Variants in NR2F1 observed in about 807,000 individuals in gnomAD.
NR2F1 encodes nuclear receptor subfamily 2 group F member 1, also known as COUP transcription factor 1.
NR2F1 carries 1 observed loss-of-function variant against 37.7 expected under a neutral mutation model. That is an observed-to-expected ratio of 0.03 (90% CI 0.01 to 0.13). The LOEUF is 0.13. Ranked by LOEUF, NR2F1 falls within the 10% of genes least tolerant of loss-of-function variation. The pLI is 1.00. For synonymous variants in NR2F1, 275 were observed against 259.6 expected, an observed-to-expected ratio of 1.06 and a Z score of -0.57; for missense variants, 268 against 578.4, an observed-to-expected ratio of 0.46 and a Z score of 5.50.
chr5:93,587,691 G>A, intron 1 of NR2F1: 1 of 539,494 alleles, frequency 1.9e-6, no homozygotes, highest in Non-Finnish European at 3.2e-6. Flanking sequence ...CGGGGCTGAC[G>A]TGGCCAGGGG....
intron 1 of NR2F1, 134 bp from the exon 2 acceptor site, chr5:93,587,783 G>C: frequency 3.3e-6 from 3 of 909,934 alleles, no homozygotes; most frequent in Non-Finnish European, 4.9e-6. Flanking sequence ...CTGTGAGAGC[G>C]AGCCGGAGAA....
In NR2F1 at chr5:93,594,441, T is replaced by A. The variant is rs1418909113; in HGVS notation, c.*599T>A. On this transcript the variant is annotated 3_prime_UTR_variant, in exon 3 of 3. Transcript: ENST00000327111. ...TGTCCTGTGTCTATGTATCTATATC[T>A]GTTTTGTATTTTTTTCTGGTTCCAA... 6.6e-6 allele frequency: 1 copy of A among 152,272 alleles called. No individual in the cohort carries two copies. Among genetic ancestry groups the A allele is most frequent in the East Asian group, 1.9e-4 (1 of 5,204 alleles). 9.4% of individuals were successfully genotyped at this position (152,272 alleles called of 1,614,324 possible). A position where few individuals can be genotyped will look rare whatever the true frequency, so the allele number is the denominator to read the frequency against.
intron 2 of NR2F1, among the ~76,000 whole-genome samples, chr5:93,588,688 G>A (rs1753276841): frequency 1.3e-5 from 2 of 151,390 alleles, no homozygotes; most frequent in South Asian, 2.1e-4. Flanking sequence ...CGGGCGGCCG[G>A]GCCTAGTCGC....
intron 2 of NR2F1, among the ~76,000 whole-genome samples, chr5:93,590,159 T>C (rs1753306679): frequency 6.6e-6 from 1 of 152,248 alleles, no homozygotes; most frequent in African/African-American, 2.4e-5. Context: ...CCAGGCTCTT[T>C]AGCCAAATTC....
chr5:93,593,389 G>A lies in NR2F1; in HGVS notation c.992-173G>A, dbSNP rs1753367177. ...TATTGGGGGCGGGGGAGGAGGGAAT[G>A]AAGAAGGGGATGGAGAGGTATAGGA... On this transcript the variant is annotated intron_variant, in intron 2 of 2. Transcript: ENST00000327111. This position sits in a 1 kb window ranked among gnomAD's most constrained non-coding sequence, Gnocchi z 5.6. Among the ~76,000 whole-genome samples, 1 of 152,068 alleles carries A rather than the reference G, an allele frequency of 6.6e-6. No individual in the cohort carries two copies. The highest frequency in any genetic ancestry group is 1.9e-4 in the East Asian group (1 of 5,184).
intron 2 of NR2F1, among the ~76,000 whole-genome samples, chr5:93,588,813 C>G (rs1443012609): frequency 9.5e-5 from 14 of 146,894 alleles, no homozygotes; most frequent in Admixed American, 3.4e-4. Flanking sequence ...GTGTGTGTGT[C>G]TCTGTGTGTG....
intron 1 of NR2F1, 151 bp from the exon 2 acceptor site, chr5:93,587,766 G>C: frequency 1.3e-6 from 1 of 761,902 alleles, no homozygotes; most frequent in African/African-American, 1.8e-5. Context: ...TCTCCTAGCG[G>C]TGTGGACTGT....
intron 2 of NR2F1, among the ~76,000 whole-genome samples, chr5:93,588,839 C>G (rs183711176): frequency 1.0e-3 from 153 of 151,072 alleles, no homozygotes; most frequent in African/African-American, 3.6e-3. Flanking sequence ...GTGTGTGGTG[C>G]GTGTTATGTG....
Position 93,593,830 on chromosome 5 carries a change from C to T in NR2F1, c.1260C>T (p.Ile420=). The part of the protein sequence containing the change: ...GSSFNWPYMS[I]QCS Reference sequence around the variant, plus strand: ...GCTTCAACTGGCCTTACATGTCCATCCAGTGCTCCTAGACCTTGGGCGCTT... The same window carrying T: ...GCTTCAACTGGCCTTACATGTCCATTCAGTGCTCCTAGACCTTGGGCGCTT... The change falls in exon 3 of 3, where the codon ATC becomes ATT. Residue 420 remains isoleucine (I), a synonymous_variant. Coordinates refer to ENST00000327111, the MANE Select transcript of NR2F1 (RefSeq NM_005654.6). The surrounding 1 kb of genome is among the most constrained non-coding windows in gnomAD (Gnocchi z 5.6). The T allele has an allele frequency of 3.1e-6, 5 of 1,614,120 alleles. No individual in the cohort carries two copies. The highest frequency in any genetic ancestry group is 4.2e-6 in the Non-Finnish European group (5 of 1,179,974).
In NR2F1 at chr5:93,593,772, C is replaced by A; in HGVS notation, c.1202C>A (p.Thr401Asn). The change falls in exon 3 of 3, where the codon ACT becomes AAT. Residue 401 changes from threonine to asparagine, a missense_variant. Around this residue, in one of 5 missense-constraint regions of NR2F1, gnomAD observed 99 missense variants for 191.9 expected, o/e 0.52. Transcript: ENST00000327111. The surrounding 1 kb of genome is among the most constrained non-coding windows in gnomAD (Gnocchi z 5.6). ...VRLVGKTPIE[T>N]LIRDMLLSGS... ...TTGGTAGGTAAAACCCCCATCGAAA[C>A]TCTCATCCGCGATATGTTACTGTCT... 6.2e-7 allele frequency: 1 copy of A among 1,614,236 alleles called. No individual in the cohort carries two copies. Among genetic ancestry groups the A allele is most frequent in the Non-Finnish European group, 8.5e-7 (1 of 1,180,044 alleles).
At chr5:93,592,598 G>A (rs1323972090) in intron 2 of NR2F1, among the ~76,000 whole-genome samples, 2 of 151,946 alleles carry the variant, frequency 1.3e-5, no homozygotes, top group South Asian at 2.1e-4. Flanking sequence ...GTGCGGAGGT[G>A]CCTTTTTCTC....
intron 1 of NR2F1, chr5:93,587,053 A>C (rs898453312): frequency 6.6e-6 from 1 of 151,976 alleles, no homozygotes; most frequent in Admixed American, 6.6e-5. Context: ...AAAAAAAAAA[A>C]AAAAACTTTG....
chr5:93,586,485 TTATAAA>T (rs1284045090), intron 1 of NR2F1, among the ~76,000 whole-genome samples: 4 of 152,260 alleles, frequency 2.6e-5, no homozygotes, highest in Non-Finnish European at 5.9e-5. Context: ...AGTACTTTTC[TTATAAA>T]TATATTTAGC....
At position 93,588,008 on chromosome 5, in the gene NR2F1, G is replaced by A. The variant is rs1753261999; in HGVS notation, c.555G>A (p.Leu185=). 6.2e-7 allele frequency: 1 copy of A among 1,614,040 alleles called. No individual in the cohort carries two copies. The highest frequency in any genetic ancestry group is 8.5e-7 in the Non-Finnish European group (1 of 1,179,988). Residue 185 remains leucine (L), a synonymous_variant, in exon 2 of 3, where the codon CTG becomes CTA. Transcript: ENST00000327111. ...ACCCCCTCAACGGCCACTGCTACCT[G>A]TCCGGCTACATCTCGCTGCTGCTGC... ...NGDPLNGHCY[L]SGYISLLLRA...
At chr5:93,591,197 TTGACACTACCGTATAAAAAGTG>T (rs1342989984) in intron 2 of NR2F1, among the ~76,000 whole-genome samples, 2 of 152,238 alleles carry the variant, frequency 1.3e-5, no homozygotes, top group Non-Finnish European at 2.9e-5. Flanking sequence ...AGTTCCCACA[TTGACACTACCGTATAAAAAGTG>T]TGACATGGAT....
At position 93,587,659 on chromosome 5, in the gene NR2F1, C is replaced by T. The variant is rs182333465; in HGVS notation, c.464-258C>T. The T allele has an allele frequency of 9.9e-4, 478 of 482,760 alleles. 1 individual carries two copies. The highest frequency in any genetic ancestry group is 7.9e-3 in the African/African-American group (409 of 51,586). 29.9% of individuals were successfully genotyped at this position (482,760 alleles called of 1,614,324 possible). On this transcript the variant is annotated intron_variant, in intron 1 of 2. Coordinates refer to ENST00000327111, the MANE Select transcript of NR2F1 (RefSeq NM_005654.6). ...TCTTGACCTTGCCAGGGTTGGGGCC[C>T]TGGAGTCAGGCCTAGCTCCGGCGGG... is the stretch of plus-strand genomic sequence containing the variant.
In NR2F1 at chr5:93,593,163, C is replaced by T. The variant is rs973050880; in HGVS notation, c.992-399C>T. On this transcript the variant is annotated intron_variant, in intron 2 of 2. Transcript: ENST00000327111. The surrounding 1 kb of genome is among the most constrained non-coding windows in gnomAD (Gnocchi z 5.6). ...CAAATGGGGCAAAAGTTAATGAGCA[C>T]GGCCAGAAAGATGCTCCCTTGCAGG... Among the ~76,000 whole-genome samples the T allele has an allele frequency of 2.0e-5, 3 of 152,150 alleles. No individual in the cohort carries two copies. Among genetic ancestry groups the T allele is most frequent in the Non-Finnish European group, 4.4e-5 (3 of 68,040 alleles).
In NR2F1 at chr5:93,588,023, G is replaced by T; in HGVS notation, c.570G>T (p.Ser190=). ...NGHCYLSGYI[S]LLLRAEPYPT... ...ACTGCTACCTGTCCGGCTACATCTC[G>T]CTGCTGCTGCGCGCCGAGCCCTACC... Residue 190 remains serine, a synonymous_variant, in exon 2 of 3, where the codon TCG becomes TCT. Transcript: ENST00000327111. 1 of 1,613,982 alleles carries T rather than the reference G, an allele frequency of 6.2e-7. No individual in the cohort carries two copies. Among genetic ancestry groups the T allele is most frequent in the Non-Finnish European group, 8.5e-7 (1 of 1,179,994 alleles).
At position 93,593,591 on chromosome 5, in the gene NR2F1, A is replaced by G. The variant is rs373637336; in HGVS notation, c.1021A>G (p.Ile341Val). The change falls in exon 3 of 3, where the codon ATC (isoleucine) becomes GTC (valine). Residue 341 changes from isoleucine (I) to valine (V), a missense_variant. Around this residue, in one of 5 missense-constraint regions of NR2F1, gnomAD observed 99 missense variants for 191.9 expected, o/e 0.52. Coordinates refer to ENST00000327111, the MANE Select transcript of NR2F1 (RefSeq NM_005654.6). This position sits in a 1 kb window ranked among gnomAD's most constrained non-coding sequence, Gnocchi z 5.6. ...DACGLSDAAH[I>V]ESLQEKSQCA... ...CTGTGGCCTGTCGGATGCGGCCCAC[A>G]TCGAGAGCCTGCAGGAGAAGTCGCA... 32 of 1,613,626 alleles carry G rather than the reference A, an allele frequency of 2.0e-5. No homozygotes were observed. Among genetic ancestry groups the G allele is most frequent in the Non-Finnish European group, 2.7e-5 (32 of 1,179,982 alleles).
Sources: allele counts gnomAD v4.1 joint callset (sites outside exome capture counted in the v4.1 genomes callset), GRCh38; gene constraint gnomAD v4.1.1; regional missense constraint gnomAD v4.1.1; non-coding constraint Gnocchi (gnomAD v3.1); transcripts MANE v1.5; gene names NCBI Gene and HGNC (gene_info 2026-07-23, HGNC 2026-07-21).